The following GPR176 variants were observed in gnomAD, a reference collection of about 807,000 sequenced individuals.
GPR176 encodes G-protein coupled receptor 176.
In GPR176, 26 loss-of-function variants were observed where a neutral mutation model predicts 35.4. The ratio of observed to expected loss-of-function variants is 0.74; its 90% CI spans 0.54 to 1.02. The LOEUF is 1.02. Ranked by LOEUF, GPR176 falls within the 50% of genes least tolerant of loss-of-function variation. The pLI is 0.00. For missense variants in GPR176, 597 were observed against 665.3 expected (o/e 0.90, Z 1.13); for synonymous variants, 278 against 271.3 (o/e 1.02, Z -0.24).
chr15:39,860,132 A>C (rs275751), intron 1 of GPR176, among the ~76,000 whole-genome samples: 2,188 of 152,346 alleles, frequency 0.014, 35 homozygotes, highest in African/African-American at 0.036. Flanking sequence ...TAATAAAAAA[A>C]GTCTATCCAT....
chr15:39,814,517 T>C lies in GPR176; in HGVS notation c.173-7259A>G, dbSNP rs536002875. Among the ~76,000 whole-genome samples the C allele has an allele frequency of 1.1e-4, 16 of 152,352 alleles. No homozygotes were observed. The East Asian group carries it at 2.9e-3, about 28-fold the overall frequency. ...GTAATCATTTTTTAAATGCTTATGGTTTCTTTCAGATTATTCTGTTGTATC... is the reference window on the plus strand; with the variant it reads ...GTAATCATTTTTTAAATGCTTATGGCTTCTTTCAGATTATTCTGTTGTATC... On this transcript the variant is annotated intron_variant, in intron 1 of 2. Transcript: ENST00000561100.
chr15:39,911,503 A>C (rs1161269233), intron 1 of GPR176, among the ~76,000 whole-genome samples: 1 of 152,258 alleles, frequency 6.6e-6, no homozygotes, highest in Non-Finnish European at 1.5e-5. Flanking sequence ...GTCAGTTTGA[A>C]GGCATTTCTC....
intron 1 of GPR176, among the ~76,000 whole-genome samples, chr15:39,831,692 T>C (rs1417360512): frequency 6.6e-6 from 1 of 152,138 alleles, no homozygotes; most frequent in Admixed American, 6.6e-5. Context: ...TTCTCTGCCC[T>C]ACCACCACAG....
intron 1 of GPR176, among the ~76,000 whole-genome samples, chr15:39,832,564 A>C (rs552605839): frequency 1.7e-4 from 26 of 151,846 alleles, no homozygotes; most frequent in Middle Eastern, 3.4e-3. Flanking sequence ...AAGGGTGTCC[A>C]ATATTTTCAC....
At chr15:39,851,756 G>A (rs978839545) in intron 1 of GPR176, among the ~76,000 whole-genome samples, 19 of 152,274 alleles carry the variant, frequency 1.2e-4, no homozygotes, top group Non-Finnish European at 2.2e-4. Context: ...CACAGACTTC[G>A]AGTAGCACTT....
intron 1 of GPR176, among the ~76,000 whole-genome samples, chr15:39,880,435 C>T (rs2140848216): frequency 6.6e-6 from 1 of 152,250 alleles, no homozygotes; most frequent in South Asian, 2.1e-4. Context: ...TTAAAAGGTC[C>T]ACTCTACATT....
At chr15:39,903,399 G>T (rs989919119) in intron 1 of GPR176, among the ~76,000 whole-genome samples, 1 of 152,138 alleles carries the variant, frequency 6.6e-6, no homozygotes, top group African/African-American at 2.4e-5. Context: ...CATCATTCCT[G>T]GGTGTGTGAG....
rs748961138 is a variant in GPR176, at chr15:39,799,214, TGACA to T, written c.*1914_*1917del. ...AGAACAACACCAAAGTGGCTACACT[TGACA>T]GATTCTCCTAAAGTGGACATAATTT... is the stretch of plus-strand genomic sequence containing the variant. On this transcript the variant is annotated 3_prime_UTR_variant, in exon 3 of 3. Transcript: ENST00000561100. 5 of 152,236 alleles carry T rather than the reference TGACA, an allele frequency of 3.3e-5. No homozygotes were observed. Among genetic ancestry groups the T allele is most frequent in the African/African-American group, 7.2e-5 (3 of 41,464 alleles). 9.4% of individuals were successfully genotyped at this position (152,236 alleles called of 1,614,324 possible). A position where few individuals can be genotyped will look rare whatever the true frequency, so the allele number is the denominator to read the frequency against.
At chr15:39,838,419 A>G (rs1285107952) in intron 1 of GPR176, among the ~76,000 whole-genome samples, 1 of 152,208 alleles carries the variant, frequency 6.6e-6, no homozygotes, top group Non-Finnish European at 1.5e-5. Context: ...AAGATGACTT[A>G]CTGATTCTTA....
At chr15:39,917,727 A>G (rs1262397573) in intron 1 of GPR176, among the ~76,000 whole-genome samples, 1 of 151,674 alleles carries the variant, frequency 6.6e-6, no homozygotes, top group Non-Finnish European at 1.5e-5. Flanking sequence ...CTCTTTTAGG[A>G]GGGTCCATGT....
At chr15:39,822,765 T>C (rs1223186447) in intron 1 of GPR176, among the ~76,000 whole-genome samples, 1 of 152,236 alleles carries the variant, frequency 6.6e-6, no homozygotes, top group Non-Finnish European at 1.5e-5. Flanking sequence ...GCTTAACTTC[T>C]TTCCATCAGT....
At chr15:39,831,342 C>T (rs1172007318) in intron 1 of GPR176, among the ~76,000 whole-genome samples, 1 of 152,174 alleles carries the variant, frequency 6.6e-6, no homozygotes, top group Non-Finnish European at 1.5e-5. Context: ...ATCACAGCTT[C>T]AGCTAAATTG....
At chr15:39,882,867 A>G (rs1234174207) in intron 1 of GPR176, among the ~76,000 whole-genome samples, 1 of 152,220 alleles carries the variant, frequency 6.6e-6, no homozygotes, top group Non-Finnish European at 1.5e-5. Context: ...GATGAATGAG[A>G]CTGGAACATT....
chr15:39,855,522 A>G (rs1360987004), intron 1 of GPR176, among the ~76,000 whole-genome samples: 2 of 152,164 alleles, frequency 1.3e-5, no homozygotes, highest in Non-Finnish European at 2.9e-5. Context: ...CTGTGGGAAG[A>G]GTGGAGCCTC....
chr15:39,828,193 T>C (rs1334921822), intron 1 of GPR176, among the ~76,000 whole-genome samples: 1 of 151,698 alleles, frequency 6.6e-6, no homozygotes, highest in African/African-American at 2.4e-5. Context: ...TACCCAGAGG[T>C]GGGAGAGAAA....
chr15:39,860,211 A>G (rs1395676195), intron 1 of GPR176, among the ~76,000 whole-genome samples: 1 of 152,226 alleles, frequency 6.6e-6, no homozygotes, highest in African/African-American at 2.4e-5. Flanking sequence ...CAATGCAAAG[A>G]ATGTAGACAG....
intron 1 of GPR176, among the ~76,000 whole-genome samples, chr15:39,812,844 A>T (rs1899664697): frequency 6.6e-6 from 1 of 151,806 alleles, no homozygotes; most frequent in Non-Finnish European, 1.5e-5. Flanking sequence ...CGCAGGCTCA[A>T]GTGCTCCTCC....
At chr15:39,806,512 A>G (rs1207525024) in intron 2 of GPR176, among the ~76,000 whole-genome samples, 3 of 152,242 alleles carry the variant, frequency 2.0e-5, no homozygotes, top group African/African-American at 4.8e-5. Flanking sequence ...CACCACTGCA[A>G]TATGAAGCCT....
At chr15:39,889,382 T>C (rs2032783210) in intron 1 of GPR176, among the ~76,000 whole-genome samples, 1 of 151,836 alleles carries the variant, frequency 6.6e-6, no homozygotes, top group African/African-American at 2.4e-5. Context: ...ACTTCATCTC[T>C]ACTAAAAATA....
Sources: gnomAD v4.1 joint callset for allele counts (sites outside exome capture counted in the v4.1 genomes callset) on GRCh38, gnomAD v4.1.1 for gene constraint, MANE v1.5 for transcripts, NCBI Gene and HGNC (gene_info 2026-07-23, HGNC 2026-07-21) for gene names.